The following CNTNAP2 variants were observed in gnomAD, a reference collection of about 807,000 sequenced individuals.
CNTNAP2 encodes contactin-associated protein-like 2.
A neutral mutation model predicts 155.2 loss-of-function variants in CNTNAP2; 98 were observed. The observed-to-expected ratio is 0.63, with a 90% CI of 0.54 to 0.75. The LOEUF (loss-of-function observed/expected upper bound fraction) is 0.75. Among genes scored for constraint, CNTNAP2 ranks in the 30% least tolerant of loss-of-function variants. CNTNAP2 has a pLI of 0.00. For missense variants in CNTNAP2, 1,727 were observed against 1,688.1 expected (o/e 1.02, Z -0.40); for synonymous variants, 651 against 631.2 (o/e 1.03, Z -0.47).
intron 1 of CNTNAP2, among the ~76,000 whole-genome samples, chr7:146,265,030 A>T (rs1421850985): frequency 6.6e-6 from 1 of 152,226 alleles, no homozygotes; most frequent in Non-Finnish European, 1.5e-5. Flanking sequence ...GGAGAAAAAA[A>T]CAAAGACAAT....
rs1805208795 is a variant in CNTNAP2 at position 148,147,498 on chromosome 7, A to T, written c.2562A>T (p.Thr854=). ...TGCTTTCTGCTCCTCCAGCTGCCAC[A>T]GAAGTGTCCTTTTCATTTGATGTGG... ...DFIKLELKSA[T]EVSFSFDVGN... The change falls in exon 17 of 24, where the codon ACA becomes ACT. Residue 854 remains threonine (T), a synonymous_variant. Coordinates refer to ENST00000361727, the MANE Select transcript of CNTNAP2 (RefSeq NM_014141.6). 2.5e-6 allele frequency: 4 copies of T among 1,614,176 alleles called. No homozygotes were observed. The highest frequency in any genetic ancestry group is 3.4e-6 in the Non-Finnish European group (4 of 1,180,026).
chr7:146,692,113 A>G (rs1220590617), intron 1 of CNTNAP2, among the ~76,000 whole-genome samples: 1 of 152,126 alleles, frequency 6.6e-6, no homozygotes, highest in Non-Finnish European at 1.5e-5. Context: ...GGGCACATTT[A>G]TGTTTTTCAT....
At chr7:147,569,403 A>T (rs964241262) in intron 12 of CNTNAP2, among the ~76,000 whole-genome samples, 2 of 152,100 alleles carry the variant, frequency 1.3e-5, no homozygotes, top group African/African-American at 4.8e-5. Context: ...TTTCTATCCT[A>T]TAGTACAGTC....
At chr7:146,714,202 C>T (rs932196834) in intron 1 of CNTNAP2, among the ~76,000 whole-genome samples, 4 of 152,148 alleles carry the variant, frequency 2.6e-5, no homozygotes, top group African/African-American at 9.7e-5. Flanking sequence ...GTGCATTTCT[C>T]TTCATAGCTC....
At chr7:148,247,639 A>T (rs1413221473) in intron 20 of CNTNAP2, among the ~76,000 whole-genome samples, 10 of 128,356 alleles carry the variant, frequency 7.8e-5, no homozygotes, top group African/African-American at 1.6e-4. Flanking sequence ...TTATTTATTT[A>T]TTTATTTATT....
At chr7:148,072,452 CT>C (rs1296241522) in intron 15 of CNTNAP2, among the ~76,000 whole-genome samples, 1 of 152,084 alleles carries the variant, frequency 6.6e-6, no homozygotes, top group Non-Finnish European at 1.5e-5. Flanking sequence ...CCAATAAAAT[CT>C]TTTTTATAGA....
At chr7:147,014,529 G>A (rs574733426) in intron 3 of CNTNAP2, among the ~76,000 whole-genome samples, 2 of 152,022 alleles carry the variant, frequency 1.3e-5, no homozygotes, top group Admixed American at 1.3e-4. Context: ...AGAGAACATA[G>A]CATGGATTTA....
chr7:148,180,814 C>T (rs1185296157), intron 18 of CNTNAP2, among the ~76,000 whole-genome samples: 1 of 152,136 alleles, frequency 6.6e-6, no homozygotes, highest in African/African-American at 2.4e-5. Context: ...TGCTTTAGCC[C>T]CTACACCTAG....
At chr7:147,257,044 A>G (rs1804347223) in intron 8 of CNTNAP2, among the ~76,000 whole-genome samples, 1 of 152,226 alleles carries the variant, frequency 6.6e-6, no homozygotes, top group Admixed American at 6.5e-5. Flanking sequence ...TTATGAAAGA[A>G]GGGATGCTGA....
Position 147,894,957 on chromosome 7 carries a change from CTTTCTTTCTT to C in CNTNAP2, c.2099-8604_2099-8595del, listed in dbSNP as rs1347795286. On this transcript the variant is annotated intron_variant, in intron 13 of 23. Transcript: ENST00000361727. Reference sequence around the variant, plus strand: ...TTTCTTTTTCTTTCTTTCTTTCTTTCTTTCTTTCTTTTTTTTTTTTTTTTTTTTTTTGAGA... The same window carrying C: ...TTTCTTTTTCTTTCTTTCTTTCTTTCTTTTTTTTTTTTTTTTTTTTTGAGA... Among the ~76,000 whole-genome samples, 575 of 62,624 alleles carry C rather than the reference CTTTCTTTCTT, an allele frequency of 9.2e-3. 1 individual carries two copies. Among genetic ancestry groups the C allele is most frequent in the African/African-American group, 0.043 (477 of 11,140 alleles). 41.1% of individuals were successfully genotyped at this position (62,624 alleles called of 152,430 possible). A position where few individuals can be genotyped will look rare whatever the true frequency, so the allele number is the denominator to read the frequency against.
chr7:147,837,508 A>G (rs548310641), intron 13 of CNTNAP2, among the ~76,000 whole-genome samples: 1 of 152,094 alleles, frequency 6.6e-6, no homozygotes, highest in African/African-American at 2.4e-5. Flanking sequence ...TCATTTCAAA[A>G]CCAATTATGC....
At chr7:147,254,151 C>T (rs1804266960) in intron 8 of CNTNAP2, among the ~76,000 whole-genome samples, 1 of 152,048 alleles carries the variant, frequency 6.6e-6, no homozygotes, top group South Asian at 2.1e-4. Flanking sequence ...ATGAAAGATA[C>T]CAGTCAGGGT....
At chr7:146,261,841 T>C (rs1799923659) in intron 1 of CNTNAP2, among the ~76,000 whole-genome samples, 1 of 152,224 alleles carries the variant, frequency 6.6e-6, no homozygotes, top group South Asian at 2.1e-4. Flanking sequence ...ACATGTTTTT[T>C]CATAGAAGGT....
intron 1 of CNTNAP2, among the ~76,000 whole-genome samples, chr7:146,682,100 G>A (rs779979802): frequency 4.6e-5 from 7 of 151,846 alleles, no homozygotes; most frequent in Non-Finnish European, 8.8e-5. Flanking sequence ...CAGCAAAAAT[G>A]ATGCTTTATG....
chr7:147,495,870 G>A (rs1268578122), intron 11 of CNTNAP2, among the ~76,000 whole-genome samples: 2 of 152,134 alleles, frequency 1.3e-5, no homozygotes, highest in East Asian at 3.9e-4. Flanking sequence ...GTGGAGTGAA[G>A]CTTCACCTCT....
chr7:148,092,510 A>G (rs933011478), intron 15 of CNTNAP2, among the ~76,000 whole-genome samples: 2 of 152,164 alleles, frequency 1.3e-5, no homozygotes, highest in African/African-American at 4.8e-5. Context: ...AACTTAAAGG[A>G]AAGTCTAGGG....
intron 3 of CNTNAP2, among the ~76,000 whole-genome samples, chr7:146,937,189 C>G (rs376691183): frequency 1.8e-4 from 28 of 151,712 alleles, no homozygotes; most frequent in African/African-American, 6.5e-4. Context: ...AGATTAAGAC[C>G]ATCCTGGCTA....
chr7:146,217,896 G>A (rs1163722691), intron 1 of CNTNAP2, among the ~76,000 whole-genome samples: 2 of 152,088 alleles, frequency 1.3e-5, no homozygotes, highest in Admixed American at 6.6e-5. Flanking sequence ...TTAACTTATG[G>A]ATACTAGGCT....
intron 1 of CNTNAP2, among the ~76,000 whole-genome samples, chr7:146,686,865 G>T (rs757660805): frequency 6.6e-6 from 1 of 152,152 alleles, no homozygotes; most frequent in Non-Finnish European, 1.5e-5. Flanking sequence ...AATGTTTGTC[G>T]TAACATAGGG....
Sources: allele counts gnomAD v4.1 joint callset (sites outside exome capture counted in the v4.1 genomes callset), GRCh38; gene constraint gnomAD v4.1.1; transcripts MANE v1.5; gene names NCBI Gene and HGNC (gene_info 2026-07-23, HGNC 2026-07-21).